Variants in PTPRD observed in about 807,000 individuals in gnomAD.
The protein encoded by PTPRD is protein tyrosine phosphatase receptor type D.
Under a neutral mutation model 214.5 loss-of-function variants are expected in PTPRD, and 34 were observed. That is an observed-to-expected ratio of 0.16 (90% confidence interval 0.12 to 0.21). The LOEUF is 0.21. PTPRD is among the 10% of genes least tolerant of loss of function. The pLI, the probability that PTPRD is intolerant of heterozygous loss-of-function variation, is 1.00. For synonymous variants in PTPRD, 1,128 were observed against 845.7 expected, an observed-to-expected ratio of 1.33 and a Z score of -5.79; for missense variants, 2,545 against 2,398.7, an observed-to-expected ratio of 1.06 and a Z score of -1.27.
chr9:9,887,217 T>C (rs547940054), intron 5 of PTPRD, among the ~76,000 whole-genome samples: 9 of 152,154 alleles, frequency 5.9e-5, no homozygotes, highest in Non-Finnish European at 1.2e-4. Context: ...CAGAATTGTT[T>C]GTTCACTTCA....
chr9:8,903,873 A>G (rs2098689704), intron 11 of PTPRD, among the ~76,000 whole-genome samples: 1 of 152,182 alleles, frequency 6.6e-6, no homozygotes, highest in South Asian at 2.1e-4. Flanking sequence ...TATGTTCCAC[A>G]TATTTACATA....
rs147597645 is a variant in PTPRD at position 8,562,966 on chromosome 9, C to A, written c.353-34187G>T. 5.3e-3 allele frequency among the ~76,000 whole-genome samples: 796 copies of A among 151,544 alleles called. 9 individuals carry two copies. The highest frequency in any genetic ancestry group is 0.018 in the African/African-American group (758 of 41,330). ...CTTAGTGTTTTTTGCATATGGGCACCCACTTTTTCCAGCACCAATTGTTGA... is the reference window on the plus strand; with the variant it reads ...CTTAGTGTTTTTTGCATATGGGCACACACTTTTTCCAGCACCAATTGTTGA... On this transcript the variant is annotated intron_variant, in intron 14 of 45. Transcript: ENST00000381196.
chr9:9,681,160 A>T (rs184533789), intron 7 of PTPRD, among the ~76,000 whole-genome samples: 66 of 151,980 alleles, frequency 4.3e-4, no homozygotes, highest in African/African-American at 1.6e-3. Flanking sequence ...TGAATCTGGG[A>T]TACCTTCTTA....
At chr9:9,349,128 T>C (rs1031278534) in intron 9 of PTPRD, among the ~76,000 whole-genome samples, 5 of 152,152 alleles carry the variant, frequency 3.3e-5, no homozygotes, top group African/African-American at 1.2e-4. Context: ...TGGAAATATG[T>C]TTAAGAAAAA....
At chr9:10,264,110 T>A (rs2093888009) in intron 3 of PTPRD, among the ~76,000 whole-genome samples, 1 of 152,106 alleles carries the variant, frequency 6.6e-6, no homozygotes, top group South Asian at 2.1e-4. Flanking sequence ...CACCTGGAAG[T>A]CCAGGCAGAA....
chr9:9,315,447 G>C (rs1032242927), intron 9 of PTPRD, among the ~76,000 whole-genome samples: 1 of 151,878 alleles, frequency 6.6e-6, no homozygotes, highest in African/African-American at 2.4e-5. Flanking sequence ...AAAAATTGTA[G>C]AAAAGGAATT....
chr9:9,771,991 C>T (rs1290756003), intron 5 of PTPRD, among the ~76,000 whole-genome samples: 1 of 152,116 alleles, frequency 6.6e-6, no homozygotes, highest in Non-Finnish European at 1.5e-5. Flanking sequence ...GAAATTTCAA[C>T]ATATTGGTGT....
chr9:8,593,030 G>A lies in PTPRD; in HGVS notation c.352+40287C>T, dbSNP rs142628561. Among the ~76,000 whole-genome samples the A allele has an allele frequency of 1.4e-3, 220 of 152,280 alleles. 1 individual carries two copies. The highest frequency in any genetic ancestry group is 5.0e-3 in the African/African-American group (207 of 41,578). ...TTTTATGTGGCTGGTATGAAAGGAA[G>A]AAATAGGGGAACAGCAAAAGACAAG... On this transcript the variant is annotated intron_variant, in intron 14 of 45. Transcript: ENST00000381196.
chr9:10,418,580 T>C (rs914295496), intron 2 of PTPRD, among the ~76,000 whole-genome samples: 5 of 151,682 alleles, frequency 3.3e-5, no homozygotes, highest in African/African-American at 1.2e-4. Context: ...ATCTTTGTTA[T>C]TACTTATTTG....
At chr9:10,353,803 T>G (rs1238516083) in intron 2 of PTPRD, among the ~76,000 whole-genome samples, 1 of 152,020 alleles carries the variant, frequency 6.6e-6, no homozygotes, top group African/African-American at 2.4e-5. Context: ...TTGGAATAAT[T>G]TATTAGAAAA....
At chr9:8,441,910 C>A (rs2095559901) in intron 34 of PTPRD, among the ~76,000 whole-genome samples, 1 of 152,040 alleles carries the variant, frequency 6.6e-6, no homozygotes, top group African/African-American at 2.4e-5. Context: ...GTCTTTCCAA[C>A]CATTTAACAC....
intron 10 of PTPRD, among the ~76,000 whole-genome samples, chr9:9,156,617 T>A (rs1476638305): frequency 1.3e-5 from 2 of 152,142 alleles, no homozygotes; most frequent in Admixed American, 1.3e-4. Context: ...TTTGGGGACA[T>A]CCATTTCAAT....
intron 5 of PTPRD, among the ~76,000 whole-genome samples, chr9:9,890,019 C>G (rs1421453375): frequency 6.6e-6 from 1 of 152,010 alleles, no homozygotes; most frequent in Non-Finnish European, 1.5e-5. Context: ...TGAATCCACC[C>G]TCCCAAAGAG....
rs913589254 is a variant in PTPRD at position 8,417,250 on chromosome 9, T to A, written c.4087-12590A>T. On this transcript the variant is annotated intron_variant, in intron 35 of 45. Coordinates refer to ENST00000381196, the MANE Select transcript of PTPRD (RefSeq NM_002839.4). ...AAGTTAAGTATAATCTTTACTTTAA[T>A]AATTGGGAACAAAAAGACACATCTC... Among the ~76,000 whole-genome samples, 15 of 152,250 alleles carry A rather than the reference T, an allele frequency of 9.9e-5. No individual in the cohort carries two copies. In the East Asian group the frequency reaches 2.3e-3, roughly 24 times the overall value.
chr9:10,342,685 T>C (rs1018030945), intron 2 of PTPRD, among the ~76,000 whole-genome samples: 2 of 152,140 alleles, frequency 1.3e-5, no homozygotes, highest in African/African-American at 4.8e-5. Flanking sequence ...GTGTTTTATA[T>C]GTAATAAATT....
chr9:8,331,674 T>G lies in PTPRD; in HGVS notation c.5442A>C (p.Pro1814=). ...AGTCAATAAATCCTTCTCCGGACTT[T>G]GGCACTCCTTGCTCTGGCCAGTCAG... is the stretch of plus-strand genomic sequence containing the variant. ...QFTDWPEQGV[P]KSGEGFIDFI... The change falls in exon 44 of 46, where the codon CCA becomes CCC. Residue 1814 remains proline, a synonymous_variant. Coordinates refer to ENST00000381196, the MANE Select transcript of PTPRD (RefSeq NM_002839.4). 1 of 1,613,874 alleles carries G rather than the reference T, an allele frequency of 6.2e-7. No homozygotes were observed. The highest frequency in any genetic ancestry group is 8.5e-7 in the Non-Finnish European group (1 of 1,179,916).
At chr9:9,571,866 T>G (rs2086544963) in intron 8 of PTPRD, among the ~76,000 whole-genome samples, 1 of 151,248 alleles carries the variant, frequency 6.6e-6, no homozygotes, top group Non-Finnish European at 1.5e-5. Context: ...ATTACAATTC[T>G]AATGCAAATC....
At chr9:10,526,871 T>C (rs149519312) in intron 2 of PTPRD, among the ~76,000 whole-genome samples, 17 of 152,218 alleles carry the variant, frequency 1.1e-4, no homozygotes, top group Non-Finnish European at 2.2e-4. Context: ...AAGCATAATA[T>C]GTGTCTGTGA....
intron 5 of PTPRD, among the ~76,000 whole-genome samples, chr9:9,878,927 T>C (rs1017682720): frequency 6.6e-6 from 1 of 152,190 alleles, no homozygotes; most frequent in Non-Finnish European, 1.5e-5. Flanking sequence ...CTGGACTTTA[T>C]TATAGGCTCC....
Sources: gnomAD v4.1 joint callset for allele counts (sites outside exome capture counted in the v4.1 genomes callset) on GRCh38, gnomAD v4.1.1 for gene constraint, MANE v1.5 for transcripts, NCBI Gene and HGNC (gene_info 2026-07-23, HGNC 2026-07-21) for gene names.